Variants in ERC2 observed in about 807,000 individuals in gnomAD.
ERC2 encodes ELKS/RAB6-interacting/CAST family member 2.
ERC2 carries 42 observed loss-of-function variants against 114.8 expected under a neutral mutation model. The observed-to-expected ratio is 0.37, with a 90% CI of 0.29 to 0.47. The LOEUF (loss-of-function observed/expected upper bound fraction) is 0.47. Among genes scored for constraint, ERC2 ranks in the 20% least tolerant of loss-of-function variants. The pLI is 0.99. For missense variants in ERC2, 939 were observed against 1,150.7 expected, an observed-to-expected ratio of 0.82 and a Z score of 2.66; for synonymous variants, 454 against 425.5, an observed-to-expected ratio of 1.07 and a Z score of -0.82.
chr3:56,077,156 T>C (rs2077014538), intron 7 of ERC2, among the ~76,000 whole-genome samples: 3 of 152,206 alleles, frequency 2.0e-5, no homozygotes, highest in South Asian at 2.1e-4. Flanking sequence ...CAATGTTTCA[T>C]TGGCCCATTC....
chr3:56,135,172 C>G (rs903080701), intron 6 of ERC2, among the ~76,000 whole-genome samples: 1 of 152,012 alleles, frequency 6.6e-6, no homozygotes, highest in Non-Finnish European at 1.5e-5. Flanking sequence ...AGGCTGGTCT[C>G]AAACTCCTGA....
chr3:55,702,032 C>G (rs1429587282), intron 15 of ERC2, among the ~76,000 whole-genome samples: 1 of 152,122 alleles, frequency 6.6e-6, no homozygotes, highest in Non-Finnish European at 1.5e-5. Context: ...TTTGGGGAAG[C>G]TCCTGTGATT....
intron 2 of ERC2, among the ~76,000 whole-genome samples, chr3:56,297,291 T>C (rs1016492290): frequency 5.3e-5 from 8 of 152,028 alleles, no homozygotes; most frequent in Non-Finnish European, 8.8e-5. Context: ...GTTTATAGCA[T>C]TGACGTTTGA....
chr3:56,033,481 C>T (rs1371864742), intron 7 of ERC2, among the ~76,000 whole-genome samples: 2 of 152,150 alleles, frequency 1.3e-5, no homozygotes. Context: ...AGTAGCATTT[C>T]TTGTAAGGCA....
intron 17 of ERC2, among the ~76,000 whole-genome samples, chr3:55,527,132 G>A (rs1030147402): frequency 1.3e-5 from 2 of 152,234 alleles, no homozygotes; most frequent in African/African-American, 2.4e-5. Flanking sequence ...AAGACCTTGG[G>A]CTCTTTAATC....
chr3:56,275,148 G>C (rs1287098996), intron 3 of ERC2, among the ~76,000 whole-genome samples: 1 of 152,164 alleles, frequency 6.6e-6, no homozygotes, highest in Non-Finnish European at 1.5e-5. Flanking sequence ...CAATGGAAGG[G>C]CCAGACTACC....
chr3:55,648,067 G>C (rs1415155274), intron 17 of ERC2, among the ~76,000 whole-genome samples: 1 of 152,212 alleles, frequency 6.6e-6, no homozygotes, highest in Non-Finnish European at 1.5e-5. Flanking sequence ...AGGAGGCAGG[G>C]CCAGCTGAGC....
At chr3:55,571,162 GTCT>G (rs2056691574) in intron 17 of ERC2, among the ~76,000 whole-genome samples, 1 of 139,082 alleles carries the variant, frequency 7.2e-6, no homozygotes, top group Admixed American at 7.3e-5. Context: ...GTAATTCAAT[GTCT>G]TCTTCCCTAC....
chr3:55,604,486 C>T (rs948212680), intron 17 of ERC2, among the ~76,000 whole-genome samples: 1 of 152,144 alleles, frequency 6.6e-6, no homozygotes, highest in Admixed American at 6.5e-5. Context: ...TCCCTTTTCT[C>T]TATGTTCCTG....
At chr3:55,986,130 C>T in intron 11 of ERC2, 142 bp from the exon 12 acceptor site, 1 of 784,672 alleles carries the variant, frequency 1.3e-6, no homozygotes, top group South Asian at 1.6e-5. Context: ...TATAACTAAA[C>T]GAAGCAAACT....
intron 12 of ERC2, among the ~76,000 whole-genome samples, chr3:55,967,193 A>T (rs1026788418): frequency 4.5e-4 from 69 of 152,294 alleles, no homozygotes; most frequent in Non-Finnish European, 5.6e-4. Flanking sequence ...TGTATGGATA[A>T]CTCTTTATTA....
chr3:55,955,248 TTGTGTG>T (rs60633794), intron 12 of ERC2: 4,240 of 360,622 alleles, frequency 0.012, 66 homozygotes, highest in African/African-American at 0.051. Context: ...GGTGGTGTGT[TTGTGTG>T]TGTGTGTGTG....
intron 3 of ERC2, among the ~76,000 whole-genome samples, chr3:56,256,727 C>T (rs962436870): frequency 5.9e-5 from 9 of 152,102 alleles, no homozygotes; most frequent in Non-Finnish European, 8.8e-5. Flanking sequence ...TGGGCAATTT[C>T]CCCCATGTGG....
At position 55,866,060 on chromosome 3, in the gene ERC2, C is replaced by T. The variant is rs947436909; in HGVS notation, c.2564+22329G>A. Among the ~76,000 whole-genome samples the T allele has an allele frequency of 5.3e-5, 8 of 152,294 alleles. No homozygotes were observed. In the East Asian group the frequency reaches 9.6e-4, roughly 18 times the overall value. On this transcript the variant is annotated intron_variant, in intron 14 of 17. Transcript: ENST00000288221. Reference sequence around the variant, plus strand: ...TTTCCAAAGTGGCCGCACCATTTTACAGTCCTACTGGCAAATGTATGAGGT... The same window carrying T: ...TTTCCAAAGTGGCCGCACCATTTTATAGTCCTACTGGCAAATGTATGAGGT...
chr3:56,225,166 C>G (rs1271074971), intron 3 of ERC2, among the ~76,000 whole-genome samples: 1 of 152,106 alleles, frequency 6.6e-6, no homozygotes, highest in Non-Finnish European at 1.5e-5. Flanking sequence ...CACCATGTGC[C>G]CCCTCCTTTT....
intron 17 of ERC2, among the ~76,000 whole-genome samples, chr3:55,591,247 G>A (rs2057865379): frequency 6.6e-6 from 1 of 150,854 alleles, no homozygotes; most frequent in African/African-American, 2.4e-5. Context: ...CTGGGAAATC[G>A]TGAGAAGTGT....
At chr3:56,312,754 C>T (rs1380418462) in intron 2 of ERC2, among the ~76,000 whole-genome samples, 1 of 150,728 alleles carries the variant, frequency 6.6e-6, no homozygotes, top group Non-Finnish European at 1.5e-5. Context: ...CTGGGAAAAC[C>T]ATGAGGAGTC....
intron 14 of ERC2, among the ~76,000 whole-genome samples, chr3:55,832,339 C>G (rs2060641354): frequency 6.6e-6 from 1 of 152,238 alleles, no homozygotes; most frequent in Admixed American, 6.5e-5. Context: ...CCTGAGCAGC[C>G]TAACTGGAAG....
chr3:56,103,741 G>GTCTA (rs1284237464), intron 6 of ERC2, among the ~76,000 whole-genome samples: 38 of 134,726 alleles, frequency 2.8e-4, no homozygotes, highest in African/African-American at 1.1e-3. Context: ...AAAACTAGAA[G>GTCTA]TGTATCTATC....
Sources: allele counts gnomAD v4.1 joint callset (sites outside exome capture counted in the v4.1 genomes callset), GRCh38; gene constraint gnomAD v4.1.1; transcripts MANE v1.5; gene names NCBI Gene and HGNC (gene_info 2026-07-23, HGNC 2026-07-21).